Variants in CHD5 observed in about 807,000 individuals in gnomAD.
CHD5 encodes the protein ATP-dependent chromatin remodeler CHD5.
A neutral mutation model predicts 230.3 loss-of-function variants in CHD5; 69 were observed. The ratio of observed to expected loss-of-function variants is 0.30; its 90% confidence interval spans 0.25 to 0.37. CHD5 has a LOEUF of 0.37. Among genes scored for constraint, CHD5 ranks in the 10% least tolerant of loss-of-function variants. The pLI is 1.00. For missense variants in CHD5, 1,827 were observed against 2,622.8 expected, an observed-to-expected ratio of 0.70 and a Z score of 6.63; for synonymous variants, 1,064 against 1,065.9, an observed-to-expected ratio of 1.00 and a Z score of 0.03.
Position 6,159,450 on chromosome 1 carries a change from A to G in CHD5, c.273T>C (p.Ser91=), listed in dbSNP as rs758165598. 2.5e-5 allele frequency: 39 copies of G among 1,589,230 alleles called. No individual in the cohort carries two copies. The highest frequency in any genetic ancestry group is 6.8e-5 in the South Asian group (6 of 87,946). The part of the protein sequence containing the change: ...DLEEKSESEG[S]DYSPNKKKKK... ...TCTTCTTTTTATTCGGGGAGTAGTC[A>G]CTGCCTTCACTCTCCGACTTCTCTT... Residue 91 remains serine (S), a synonymous_variant, in exon 3 of 42, where the codon AGT becomes AGC. Coordinates refer to ENST00000262450, the MANE Select transcript of CHD5 (RefSeq NM_015557.3).
Position 6,123,919 on chromosome 1 carries a change from G to A in CHD5, c.4699+29C>T, listed in dbSNP as rs767236105. The A allele has an allele frequency of 2.8e-6, 4 of 1,413,062 alleles. No individual in the cohort carries two copies. In the South Asian group the frequency reaches 6.4e-5, roughly 22 times the overall value. 87.5% of individuals were successfully genotyped at this position (1,413,062 alleles called of 1,614,324 possible). ...CCTTGCCACTTTCCATGACCCCAGT[G>A]CCCTCCCCGGCCCGCCCAGCCCACA... On this transcript the variant is annotated intron_variant, in intron 31 of 41. Transcript: ENST00000262450.
intron 9 of CHD5, among the ~76,000 whole-genome samples, chr1:6,148,155 G>C (rs2100862364): frequency 6.6e-6 from 1 of 152,306 alleles, no homozygotes; most frequent in East Asian, 1.9e-4. Flanking sequence ...ACGGCCCAGG[G>C]CTAAAGGAGG....
chr1:6,123,937 A>C lies in CHD5; in HGVS notation c.4699+11T>G. The C allele has an allele frequency of 1.4e-6, 2 of 1,462,986 alleles. No homozygotes were observed. Among genetic ancestry groups the C allele is most frequent in the Non-Finnish European group, 1.8e-6 (2 of 1,110,730 alleles). The allele number at this position is 1,462,986 out of a possible 1,614,324, so 90.6% of individuals were successfully genotyped here. A position where few individuals can be genotyped will look rare whatever the true frequency, so the allele number is the denominator to read the frequency against. ...CCCCAGTGCCCTCCCCGGCCCGCCC[A>C]GCCCACAGACCTGGCAGGCCCAGCG... On this transcript the variant is annotated intron_variant, in intron 31 of 41. Coordinates refer to ENST00000262450, the MANE Select transcript of CHD5 (RefSeq NM_015557.3).
chr1:6,106,320 G>C (rs967344489), intron 40 of CHD5, 33 bp from the exon 41 acceptor site: 23 of 1,612,624 alleles, frequency 1.4e-5, no homozygotes, highest in Non-Finnish European at 1.9e-5. Context: ...GGGCTTGCCT[G>C]ACGTTGGCAG....
At chr1:6,170,191 C>T (rs913598051) in intron 1 of CHD5, among the ~76,000 whole-genome samples, 2 of 152,108 alleles carry the variant, frequency 1.3e-5, no homozygotes, top group Non-Finnish European at 2.9e-5. Context: ...GGCTTCGAGG[C>T]GACCCCCAGT....
Position 6,142,100 on chromosome 1 carries a change from C to T in CHD5, c.2436+28G>A, listed in dbSNP as rs201190339. On this transcript the variant is annotated intron_variant, in intron 15 of 41. Transcript: ENST00000262450. The surrounding 1 kb of genome is among the most constrained non-coding windows in gnomAD (Gnocchi z 5.2). ...TGAACTAGACCGGGGGCCTTCCTACCGTCCTTCCAAGGATAGCGAGCCCTC... is the reference window on the plus strand; with the variant it reads ...TGAACTAGACCGGGGGCCTTCCTACTGTCCTTCCAAGGATAGCGAGCCCTC... The T allele has an allele frequency of 6.9e-6, 11 of 1,596,744 alleles. No individual in the cohort carries two copies. The highest frequency in any genetic ancestry group is 4.0e-5 in the African/African-American group (3 of 74,708).
rs1666467935 is a variant in CHD5, at chr1:6,121,346, C to T, written c.4780-109G>A. 2.0e-6 allele frequency: 3 copies of T among 1,519,514 alleles called. No homozygotes were observed. In the East Asian group the frequency reaches 6.9e-5, roughly 35 times the overall value. The allele number at this position is 1,519,514 out of a possible 1,614,324, so 94.1% of individuals were successfully genotyped here. A position where few individuals can be genotyped will look rare whatever the true frequency, so the allele number is the denominator to read the frequency against. On this transcript the variant is annotated intron_variant, in intron 32 of 41. Coordinates refer to ENST00000262450, the MANE Select transcript of CHD5 (RefSeq NM_015557.3). This position sits in a 1 kb window ranked among gnomAD's most constrained non-coding sequence, Gnocchi z 4.5. ...CCAGTCTCCTGGCTCCCGTCGCTTG[C>T]TCCTAGCCTGCTCCCCGCCGATTCA... is the stretch of plus-strand genomic sequence containing the variant.
chr1:6,159,904 A>G lies in CHD5; in HGVS notation c.208-389T>C, dbSNP rs563593732. 2.0e-4 allele frequency among the ~76,000 whole-genome samples: 30 copies of G among 152,376 alleles called. No homozygotes were observed. The South Asian group carries it at 5.8e-3, about 29-fold the overall frequency. On this transcript the variant is annotated intron_variant, in intron 2 of 41. Coordinates refer to ENST00000262450, the MANE Select transcript of CHD5 (RefSeq NM_015557.3). ...TTCTATGGACTTTGGGGGCTGAATT[A>G]GTTTTACATGATGAGGCATGGACCC... is the stretch of plus-strand genomic sequence containing the variant.
intron 31 of CHD5, among the ~76,000 whole-genome samples, chr1:6,123,429 T>C (rs1291351519): frequency 6.7e-6 from 1 of 149,800 alleles, no homozygotes; most frequent in Non-Finnish European, 1.5e-5. Context: ...CACTGAATAG[T>C]ACTTTTTTTT....
chr1:6,153,965 G>A (rs1322829814), intron 5 of CHD5, among the ~76,000 whole-genome samples: 2 of 152,112 alleles, frequency 1.3e-5, no homozygotes, highest in African/African-American at 4.8e-5. Flanking sequence ...TCCCTCCCCA[G>A]GGCCTTCAAG....
chr1:6,122,214 G>A (rs1009053938), intron 31 of CHD5, among the ~76,000 whole-genome samples: 4 of 152,180 alleles, frequency 2.6e-5, no homozygotes, highest in South Asian at 2.1e-4. Flanking sequence ...AGCTATGTCC[G>A]CCCCAGGCCT....
At chr1:6,163,030 G>A (rs1038313739) in intron 2 of CHD5, among the ~76,000 whole-genome samples, 14 of 152,204 alleles carry the variant, frequency 9.2e-5, no homozygotes, top group Admixed American at 5.9e-4. Context: ...GAGCAGCAGC[G>A]CATGCCACCT....
intron 1 of CHD5, among the ~76,000 whole-genome samples, chr1:6,177,246 G>C (rs1265152118): frequency 6.6e-6 from 1 of 152,226 alleles, no homozygotes; most frequent in Non-Finnish European, 1.5e-5. Flanking sequence ...CCGCCACTGA[G>C]CTTGGACTCA....
At chr1:6,110,313 C>G (rs1478038809) in intron 37 of CHD5, 81 bp downstream of exon 37, 1 of 1,550,274 alleles carries the variant, frequency 6.5e-7, no homozygotes, top group African/African-American at 1.4e-5. Flanking sequence ...TTGCTGCTCT[C>G]TAATTCCTTT....
Position 6,167,718 on chromosome 1 carries a change from C to T in CHD5, c.207+432G>A, listed in dbSNP as rs184135389. On this transcript the variant is annotated intron_variant, in intron 2 of 41. Coordinates refer to ENST00000262450, the MANE Select transcript of CHD5 (RefSeq NM_015557.3). This position sits in a 1 kb window ranked among gnomAD's most constrained non-coding sequence, Gnocchi z 4.5. ...CAGCCGAGAACCAGGGACAAAGTGA[C>T]GGGAATCCAGAGGTCACCTGCAGGT... Among the ~76,000 whole-genome samples the T allele has an allele frequency of 1.4e-4, 22 of 152,258 alleles. No individual in the cohort carries two copies. The highest frequency in any genetic ancestry group is 3.1e-4 in the African/African-American group (13 of 41,546).
At chr1:6,150,430 T>C (rs1260181669) in intron 7 of CHD5, among the ~76,000 whole-genome samples, 4 of 81,924 alleles carry the variant, frequency 4.9e-5, no homozygotes, top group Non-Finnish European at 7.7e-5. Flanking sequence ...GGATGGATGA[T>C]AGGATGGATG....
chr1:6,106,601 C>A lies in CHD5; in HGVS notation c.5742+15G>T, dbSNP rs560171906. On this transcript the variant is annotated intron_variant, in intron 39 of 41. Transcript: ENST00000262450. ...GCCAGGGGGCTCGGGCCGGGGCACA[C>A]AGGCCGAGCCTGACCTGCTGGATGG... The A allele has an allele frequency of 3.2e-6, 5 of 1,555,844 alleles. No individual in the cohort carries two copies. In the African/African-American group the frequency reaches 5.4e-5, roughly 17 times the overall value.
At position 6,125,649 on chromosome 1, in the gene CHD5, C is replaced by T. The variant is rs747451029; in HGVS notation, c.4172-37G>A. ...CCCGCCACAGTTCCTCAGGTGGGAG[C>T]CCAGAGATTCCTGATCCCCAAGGAC... On this transcript the variant is annotated intron_variant, in intron 27 of 41. Transcript: ENST00000262450. This position sits in a 1 kb window ranked among gnomAD's most constrained non-coding sequence, Gnocchi z 6.7. The T allele has an allele frequency of 2.5e-6, 4 of 1,610,672 alleles. No homozygotes were observed. The highest frequency in any genetic ancestry group is 1.7e-4 in the Middle Eastern group (1 of 6,056).
chr1:6,170,791 C>T (rs768642283), intron 1 of CHD5, among the ~76,000 whole-genome samples: 6 of 152,228 alleles, frequency 3.9e-5, no homozygotes, highest in Non-Finnish European at 8.8e-5. Flanking sequence ...CAGCTGAAAA[C>T]GTGCACGGGG....
Sources: allele counts gnomAD v4.1 joint callset (sites outside exome capture counted in the v4.1 genomes callset), GRCh38; gene constraint gnomAD v4.1.1; non-coding constraint Gnocchi (gnomAD v3.1); transcripts MANE v1.5; gene names NCBI Gene and HGNC (gene_info 2026-07-23, HGNC 2026-07-21).